The following UMODL1 variants were observed in gnomAD, a reference collection of about 807,000 sequenced individuals.
UMODL1 encodes the protein uromodulin-like 1.
A neutral mutation model predicts 136.3 loss-of-function variants in UMODL1; 128 were observed. That is an observed-to-expected ratio of 0.94 (90% confidence interval 0.81 to 1.09). The LOEUF (loss-of-function observed/expected upper bound fraction) is 1.09. Ranked by LOEUF, UMODL1 falls within the 50% of genes least tolerant of loss-of-function variation. The pLI is 0.00. For synonymous variants in UMODL1, 721 were observed against 720.0 expected (o/e 1.00, Z -0.02); for missense variants, 1,766 against 1,725.6 (o/e 1.02, Z -0.41).
intron 22 of UMODL1, among the ~76,000 whole-genome samples, chr21:42,141,066 T>C (rs898482743): frequency 4.6e-5 from 7 of 152,182 alleles, no homozygotes; most frequent in African/African-American, 1.4e-4. Context: ...CAGGTCCTTA[T>C]TTTCTTGAGA....
chr21:42,084,868 T>G (rs1173113294), intron 3 of UMODL1, among the ~76,000 whole-genome samples: 1 of 151,254 alleles, frequency 6.6e-6, no homozygotes, highest in Non-Finnish European at 1.5e-5. Context: ...TGCTATTATA[T>G]AGTATATATC....
intron 7 of UMODL1, among the ~76,000 whole-genome samples, chr21:42,101,523 G>A (rs1447669626): frequency 2.0e-5 from 3 of 152,232 alleles, no homozygotes; most frequent in Non-Finnish European, 4.4e-5. Context: ...AGAGAAACAT[G>A]CAGAATTGCC....
At chr21:42,121,368 C>CGT (rs60666132) in intron 16 of UMODL1, 144 bp downstream of exon 16, 92,779 of 708,556 alleles carry the variant, frequency 0.13, 3,088 homozygotes, top group East Asian at 0.19. Flanking sequence ...TGTGGGTGCA[C>CGT]GTGTGTGTGT....
intron 6 of UMODL1, 139 bp from the exon 7 acceptor site, chr21:42,098,787 G>C: frequency 7.6e-7 from 1 of 1,323,142 alleles, no homozygotes; most frequent in Middle Eastern, 2.7e-4. Context: ...ACAAAAAATA[G>C]CCAGTGCTGT....
chr21:42,081,467 T>C (rs2066361382), intron 2 of UMODL1, among the ~76,000 whole-genome samples: 1 of 152,188 alleles, frequency 6.6e-6, no homozygotes, highest in Non-Finnish European at 1.5e-5. Context: ...TTGGACTTGT[T>C]CAGCGTTCTC....
At chr21:42,127,475 T>C (rs1241682107) in intron 19 of UMODL1, among the ~76,000 whole-genome samples, 197 bp from the exon 20 acceptor site, 2 of 152,214 alleles carry the variant, frequency 1.3e-5, no homozygotes, top group Non-Finnish European at 2.9e-5. Context: ...TGGCCAGCTC[T>C]GGGCTCTGCA....
At chr21:42,102,468 G>T in intron 8 of UMODL1, 190 bp downstream of exon 8, 1 of 486,970 alleles carries the variant, frequency 2.1e-6, no homozygotes, top group Non-Finnish European at 3.7e-6. Flanking sequence ...CTTTTATGGG[G>T]TACTTAATCC....
At chr21:42,135,574 C>T (rs557071673) in intron 21 of UMODL1, among the ~76,000 whole-genome samples, 5 of 152,244 alleles carry the variant, frequency 3.3e-5, no homozygotes, top group Non-Finnish European at 5.9e-5. Context: ...GCGGCACCCC[C>T]CCTTGTGCTG....
At chr21:42,109,388 C>T (rs2066781751) in intron 9 of UMODL1, among the ~76,000 whole-genome samples, 174 bp from the exon 10 acceptor site, 1 of 152,126 alleles carries the variant, frequency 6.6e-6, no homozygotes, top group Non-Finnish European at 1.5e-5. Context: ...TGAAGGTGGG[C>T]ACAGGCAGGC....
chr21:42,071,150 T>C (rs1258632713), upstream of UMODL1, among the ~76,000 whole-genome samples: 1 of 152,136 alleles, frequency 6.6e-6, no homozygotes, highest in Admixed American at 6.5e-5. Flanking sequence ...AAGGGACTGC[T>C]CCCAGCGGTG....
At chr21:42,071,246 G>T (rs921276225), upstream of UMODL1, 1 of 1,401,622 alleles carries the variant, frequency 7.1e-7, no homozygotes. Flanking sequence ...GCCCCTATGA[G>T]CCCTGGCGTA....
intron 15 of UMODL1, among the ~76,000 whole-genome samples, chr21:42,120,007 A>G (rs2146523534): frequency 6.6e-6 from 1 of 152,352 alleles, no homozygotes; most frequent in Middle Eastern, 3.4e-3. Context: ...GAGAGATCAT[A>G]CAAATAGATA....
rs191510794 is a variant in UMODL1, at chr21:42,112,633, A to G, written c.2104+923A>G. 3.3e-3 allele frequency among the ~76,000 whole-genome samples: 483 copies of G among 145,248 alleles called. 3 individuals carry two copies. Among genetic ancestry groups the G allele is most frequent in the Middle Eastern group, 3.9e-3 (1 of 256 alleles). Reference sequence around the variant, plus strand: ...CTTCTGTATCTCCCCACTGTTCTGCACCTCCATAGGTGTTCTGCACCTCCC... The same window carrying G: ...CTTCTGTATCTCCCCACTGTTCTGCGCCTCCATAGGTGTTCTGCACCTCCC... On this transcript the variant is annotated intron_variant, in intron 12 of 22. Transcript: ENST00000408910.
At chr21:42,133,080 C>G (rs369222743) in intron 21 of UMODL1, among the ~76,000 whole-genome samples, 1 of 152,332 alleles carries the variant, frequency 6.6e-6, no homozygotes, top group East Asian at 1.9e-4. Flanking sequence ...GTGTTAGTAG[C>G]TTTTGTTTGA....
intron 15 of UMODL1, chr21:42,120,394 A>C (rs2066954132): frequency 6.6e-6 from 1 of 152,268 alleles, no homozygotes; most frequent in African/African-American, 2.4e-5. Context: ...AAAGATGTTC[A>C]TCTTCAGTGT....
In UMODL1 at chr21:42,127,249, C is replaced by T. The variant is rs375581808; in HGVS notation, c.3530+7C>T. On this transcript the variant is annotated splice_region_variant and intron_variant, in intron 19 of 22. Transcript: ENST00000408910. ...TCAGCTTCATTAACAACAGGTAGGGCTCAGGAGTGCAGGCACCCCCATCCA... is the reference window on the plus strand; with the variant it reads ...TCAGCTTCATTAACAACAGGTAGGGTTCAGGAGTGCAGGCACCCCCATCCA... The T allele has an allele frequency of 1.4e-4, 229 of 1,612,486 alleles. No homozygotes were observed. The highest frequency in any genetic ancestry group is 1.8e-4 in the Non-Finnish European group (217 of 1,178,772).
intron 17 of UMODL1, among the ~76,000 whole-genome samples, chr21:42,124,974 C>T (rs889452746): frequency 6.6e-6 from 1 of 152,090 alleles, no homozygotes; most frequent in African/African-American, 2.4e-5. Flanking sequence ...TCAAAGTCAA[C>T]CTGACACCGA....
chr21:42,077,211 C>G (rs997172696), intron 2 of UMODL1, among the ~76,000 whole-genome samples: 8 of 151,998 alleles, frequency 5.3e-5, no homozygotes, highest in African/African-American at 1.9e-4. Context: ...GACATAAGGG[C>G]TGTGACCTCC....
rs576389039 is a variant in UMODL1 at position 42,124,288 on chromosome 21, G to A, written c.3147+1138G>A. Among the ~76,000 whole-genome samples, 6 of 152,284 alleles carry A rather than the reference G, an allele frequency of 3.9e-5. No individual in the cohort carries two copies. The South Asian group carries it at 1.0e-3, about 26-fold the overall frequency. On this transcript the variant is annotated intron_variant, in intron 17 of 22. Transcript: ENST00000408910. ...CTGGACACAGGGGCCTGGGCCGCAT[G>A]GGCCTGGGAGTGCAGGGTGGATCAG...
Sources: gnomAD v4.1 joint callset for allele counts (sites outside exome capture counted in the v4.1 genomes callset) on GRCh38, gnomAD v4.1.1 for gene constraint, MANE v1.5 for transcripts, NCBI Gene and HGNC (gene_info 2026-07-23, HGNC 2026-07-21) for gene names.